Variants in RCSD1 observed in about 807,000 individuals in gnomAD.
RCSD1 encodes the protein capZ-interacting protein.
A neutral mutation model predicts 42.5 loss-of-function variants in RCSD1; 26 were observed. The observed-to-expected ratio is 0.61, with a 90% confidence interval of 0.45 to 0.85. The LOEUF is 0.85. Ranked by LOEUF, RCSD1 falls within the 40% of genes least tolerant of loss-of-function variation. The pLI is 0.00. For missense variants in RCSD1, 571 were observed against 528.3 expected, an observed-to-expected ratio of 1.08 and a Z score of -0.79; for synonymous variants, 220 against 212.2, an observed-to-expected ratio of 1.04 and a Z score of -0.32.
intron 1 of RCSD1, among the ~76,000 whole-genome samples, chr1:167,638,835 C>A (rs1254080617): frequency 2.0e-5 from 3 of 152,206 alleles, no homozygotes; most frequent in African/African-American, 7.2e-5. Flanking sequence ...TTTCTTCCAT[C>A]CCCTTCATTT....
At chr1:167,636,424 A>G (rs997712631) in intron 1 of RCSD1, among the ~76,000 whole-genome samples, 5 of 152,226 alleles carry the variant, frequency 3.3e-5, no homozygotes, top group African/African-American at 1.2e-4. Context: ...TTGAGTCAGC[A>G]TCATAGATGT....
intron 1 of RCSD1, among the ~76,000 whole-genome samples, chr1:167,635,718 A>G (rs1657827306): frequency 6.6e-6 from 1 of 152,198 alleles, no homozygotes; most frequent in Admixed American, 6.5e-5. Context: ...TATTCAACTC[A>G]TTAGAATCTA....
At chr1:167,633,433 G>C (rs185104677) in intron 1 of RCSD1, among the ~76,000 whole-genome samples, 5 of 152,308 alleles carry the variant, frequency 3.3e-5, no homozygotes, top group African/African-American at 1.2e-4. Context: ...TGCCAGCTTT[G>C]TCCAGCTGGC....
chr1:167,678,665 C>T (rs1020793109), intron 1 of RCSD1, among the ~76,000 whole-genome samples: 10 of 152,274 alleles, frequency 6.6e-5, no homozygotes, highest in Admixed American at 4.6e-4. Context: ...CCTTGATGCG[C>T]GACTCAGGTC....
intron 1 of RCSD1, chr1:167,641,657 G>A (rs1246430179): frequency 6.6e-6 from 1 of 152,394 alleles, no homozygotes; most frequent in Non-Finnish European, 1.5e-5. Flanking sequence ...GGTGAAGTTT[G>A]CGGTGAGCCG....
intron 1 of RCSD1, among the ~76,000 whole-genome samples, chr1:167,681,323 AG>A (rs1659077308): frequency 6.6e-6 from 1 of 152,142 alleles, no homozygotes; most frequent in African/African-American, 2.4e-5. Flanking sequence ...ATGTGCCTGG[AG>A]GGCAGACGGT....
chr1:167,632,953 G>T (rs906616706), intron 1 of RCSD1, among the ~76,000 whole-genome samples: 5 of 152,180 alleles, frequency 3.3e-5, no homozygotes, highest in Non-Finnish European at 7.3e-5. Context: ...AAATCTCAGA[G>T]TAAAACCCTC....
At chr1:167,649,049 A>T (rs1262198199) in intron 1 of RCSD1, among the ~76,000 whole-genome samples, 2 of 152,192 alleles carry the variant, frequency 1.3e-5, no homozygotes, top group African/African-American at 4.8e-5. Context: ...TAAGTATTCT[A>T]AGAGATCTGT....
intron 1 of RCSD1, among the ~76,000 whole-genome samples, chr1:167,682,668 AGTGTGTGTGTGT>A (rs10607777): frequency 0.044 from 6,315 of 142,708 alleles, 182 homozygotes; most frequent in Middle Eastern, 0.14. Flanking sequence ...GCCATGGAAG[AGTGTGTGTGTGT>A]GTGTGTGTGT....
At position 167,630,276 on chromosome 1, in the gene RCSD1, C is replaced by G. The variant is rs1399829985; in HGVS notation, c.-148C>G. The G allele has an allele frequency of 2.8e-5, 23 of 835,286 alleles. No homozygotes were observed. The highest frequency in any genetic ancestry group is 3.5e-5 in the Non-Finnish European group (22 of 623,844). 51.7% of individuals were successfully genotyped at this position (835,286 alleles called of 1,614,324 possible). A position where few individuals can be genotyped will look rare whatever the true frequency, so the allele number is the denominator to read the frequency against. Reference sequence around the variant, plus strand: ...CGGCCGGGGCAGTCCCGCAGCCGAGCGCAGCCGGGCGCGCGCCACCGCCCA... The same window carrying G: ...CGGCCGGGGCAGTCCCGCAGCCGAGGGCAGCCGGGCGCGCGCCACCGCCCA... On this transcript the variant is annotated 5_prime_UTR_variant, in exon 1 of 7. Coordinates refer to ENST00000367854, the MANE Select transcript of RCSD1 (RefSeq NM_052862.4).
At chr1:167,658,511 C>T (rs1234721981) in intron 1 of RCSD1, among the ~76,000 whole-genome samples, 8 of 152,070 alleles carry the variant, frequency 5.3e-5, no homozygotes, top group African/African-American at 7.2e-5. Context: ...CTGCAACCTC[C>T]GCCTCCTGGG....
chr1:167,664,092 G>C (rs1030731569), intron 1 of RCSD1: 1 of 152,196 alleles, frequency 6.6e-6, no homozygotes, highest in African/African-American at 2.4e-5. Context: ...GACCTTGTAG[G>C]GGGTGTTATT....
At chr1:167,646,464 A>G (rs1162831822) in intron 1 of RCSD1, among the ~76,000 whole-genome samples, 34 of 134,592 alleles carry the variant, frequency 2.5e-4, no homozygotes, top group African/African-American at 3.5e-4. Flanking sequence ...AAAAAAAAAA[A>G]AAGAAGTAGA....
intron 1 of RCSD1, among the ~76,000 whole-genome samples, chr1:167,652,691 G>A (rs998999521): frequency 6.6e-6 from 1 of 152,102 alleles, no homozygotes; most frequent in Non-Finnish European, 1.5e-5. Context: ...GTGACTCATC[G>A]CAGGGCACAA....
intron 1 of RCSD1, among the ~76,000 whole-genome samples, chr1:167,668,112 G>A (rs1434011081): frequency 6.6e-6 from 1 of 152,052 alleles, no homozygotes; most frequent in East Asian, 1.9e-4. Context: ...CCAACATAGT[G>A]AAACCCCCGT....
chr1:167,693,303 T>G (rs1659420339), intron 4 of RCSD1, among the ~76,000 whole-genome samples: 1 of 152,124 alleles, frequency 6.6e-6, no homozygotes, highest in Non-Finnish European at 1.5e-5. Flanking sequence ...CTCACGCACG[T>G]TCTCCCCATG....
intron 6 of RCSD1, among the ~76,000 whole-genome samples, chr1:167,702,222 C>A (rs929033853): frequency 1.3e-5 from 2 of 152,182 alleles, no homozygotes; most frequent in African/African-American, 4.8e-5. Flanking sequence ...GCAATTTGTT[C>A]TTCGAGAGAA....
chr1:167,647,508 C>T (rs184225619), intron 1 of RCSD1, among the ~76,000 whole-genome samples: 3 of 151,918 alleles, frequency 2.0e-5, no homozygotes, highest in Non-Finnish European at 4.4e-5. Flanking sequence ...ATTGCTTGAG[C>T]CTAGAAGTTC....
intron 1 of RCSD1, among the ~76,000 whole-genome samples, chr1:167,655,698 T>G (rs978712070): frequency 6.6e-6 from 1 of 152,172 alleles, no homozygotes; most frequent in Non-Finnish European, 1.5e-5. Context: ...CAGGAAGCCC[T>G]TGGTCTCCAA....
Sources: allele counts gnomAD v4.1 joint callset (sites outside exome capture counted in the v4.1 genomes callset), GRCh38; gene constraint gnomAD v4.1.1; transcripts MANE v1.5; gene names NCBI Gene and HGNC (gene_info 2026-07-23, HGNC 2026-07-21).